SPATA3: variants seen among roughly 807,000 people sequenced by gnomAD.
SPATA3 encodes the protein spermatogenesis associated 3, also known as spermatogenesis-associated protein 3.
A neutral mutation model predicts 5.7 loss-of-function variants in SPATA3; 6 were observed. The ratio of observed to expected loss-of-function variants is 1.06; its 90% CI spans 0.58 to 2.09. The LOEUF (loss-of-function observed/expected upper bound fraction) is 2.09, where lower values mean the gene tolerates loss of function less well. Among genes scored for constraint, SPATA3 ranks in the 30% most tolerant of loss-of-function variants. The pLI is 0.00. For synonymous variants in SPATA3, 44 were observed against 48.4 expected (o/e 0.91, Z 0.37); for missense variants, 155 against 130.4 (o/e 1.19, Z -0.92).
downstream of SPATA3, among the ~76,000 whole-genome samples, chr2:231,010,821 G>A (rs1471119577): frequency 2.6e-5 from 4 of 151,418 alleles, no homozygotes; most frequent in East Asian, 5.8e-4. Context: ...TAATCCCAGC[G>A]TTTTGGGAGG....
At chr2:231,014,161 G>A (rs1017941058) in exon 6 of SPATA3, 14 of 152,232 alleles carry the variant, frequency 9.2e-5, no homozygotes, top group South Asian at 4.1e-4. Flanking sequence ...AAAACGTCCT[G>A]ATATTTAAAG....
intron 1 of SPATA3, among the ~76,000 whole-genome samples, chr2:230,997,714 A>G (rs1307186605): frequency 1.3e-5 from 2 of 152,220 alleles, no homozygotes; most frequent in Non-Finnish European, 2.9e-5. Flanking sequence ...TCTTCTTGGG[A>G]GCCAAACAGT....
At chr2:231,009,219 G>A (rs914732400), downstream of SPATA3, among the ~76,000 whole-genome samples, 4 of 152,172 alleles carry the variant, frequency 2.6e-5, no homozygotes, top group Admixed American at 2.6e-4. Flanking sequence ...CCCTCCAGTT[G>A]GCTGTGGGTC....
At chr2:231,007,214 T>C (rs970873616), downstream of SPATA3, 1 of 152,112 alleles carries the variant, frequency 6.6e-6, no homozygotes, top group Non-Finnish European at 1.5e-5. Context: ...TCCTTGTTTT[T>C]CTTACAGATC....
At chr2:231,013,638 G>A (rs955010652) in intron 5 of SPATA3, among the ~76,000 whole-genome samples, 4 of 152,104 alleles carry the variant, frequency 2.6e-5, no homozygotes, top group Non-Finnish European at 4.4e-5. Context: ...TTACGGGCAT[G>A]TGCCACCATG....
chr2:231,005,475 TCACCACCACCAC>T (rs1229154307), downstream of SPATA3, among the ~76,000 whole-genome samples: 1 of 15,668 alleles, frequency 6.4e-5, no homozygotes, highest in African/African-American at 2.5e-4. Context: ...ACCACCATCA[TCACCACCACCAC>T]CATCACCACC....
Position 231,018,770 on chromosome 2 carries a change from C to T in SPATA3, c.*566-950C>T, listed in dbSNP as rs551694669. Among the ~76,000 whole-genome samples the T allele has an allele frequency of 2.0e-5, 3 of 152,004 alleles. No individual in the cohort carries two copies. In the South Asian group the frequency reaches 6.2e-4, roughly 32 times the overall value. ...GCATAATCTCAGCTCACTGCAACCT[C>T]CACTTCCCAGGTTCAAGCATTCTCC... On this transcript the variant is annotated intron_variant, in intron 6 of 8. Coordinates refer to the SPATA3 transcript ENST00000452881.
chr2:231,002,806 C>A, downstream of SPATA3: 2 of 1,433,902 alleles, frequency 1.4e-6, no homozygotes, highest in Non-Finnish European at 1.9e-6. Context: ...GTGAACAAGC[C>A]CCTAGGCCCA....
downstream of SPATA3, among the ~76,000 whole-genome samples, chr2:231,008,969 G>A (rs946283118): frequency 3.2e-4 from 48 of 152,062 alleles, no homozygotes; most frequent in Admixed American, 3.0e-3. Context: ...CACAGCAAAC[G>A]GCATCACAGC....
chr2:231,005,142 CCACCAT>C (rs1254871706), downstream of SPATA3, among the ~76,000 whole-genome samples: 225 of 33,928 alleles, frequency 6.6e-3, no homozygotes, highest in African/African-American at 0.017. Flanking sequence ...ATCACCACCA[CCACCAT>C]CACCATCACC....
chr2:231,011,725 G>C (rs545833900), downstream of SPATA3, among the ~76,000 whole-genome samples: 5 of 152,264 alleles, frequency 3.3e-5, no homozygotes, highest in South Asian at 4.2e-4. Context: ...AGACTCAGGG[G>C]ACACCTGCCA....
chr2:231,003,363 C>A (rs1692425612), downstream of SPATA3, among the ~76,000 whole-genome samples: 1 of 152,198 alleles, frequency 6.6e-6, no homozygotes, highest in Non-Finnish European at 1.5e-5. Context: ...ATGGCTCATG[C>A]AGCCATCTTC....
rs553187691 is a variant in SPATA3 at position 230,997,435 on chromosome 2, T to C, written c.791-2931T>C. Among the ~76,000 whole-genome samples, 16 of 152,298 alleles carry C rather than the reference T, an allele frequency of 1.1e-4. No individual in the cohort carries two copies. The South Asian group carries it at 3.3e-3, about 32-fold the overall frequency. On this transcript the variant is annotated intron_variant, in intron 1 of 2. Coordinates refer to ENST00000645363, the Ensembl canonical transcript of SPATA3. The stretch of plus-strand genomic sequence containing the variant: ...CTCAGATATGTCTTTATCAGCAGTG[T>C]GAAAACAGACAAATACAGGCCCATG...
downstream of SPATA3, among the ~76,000 whole-genome samples, chr2:231,011,122 T>G (rs1559200526): frequency 6.8e-6 from 1 of 148,056 alleles, no homozygotes; most frequent in Admixed American, 6.8e-5. Context: ...ATCAATTGGT[T>G]ATTATGTTAT....
chr2:231,016,921 T>C (rs980227556), intron 6 of SPATA3, among the ~76,000 whole-genome samples: 1 of 152,206 alleles, frequency 6.6e-6, no homozygotes, highest in African/African-American at 2.4e-5. Flanking sequence ...CATCACTCAG[T>C]TAAAATGTAC....
intron 6 of SPATA3, among the ~76,000 whole-genome samples, chr2:231,019,108 A>T (rs112483840): frequency 8.9e-5 from 13 of 146,264 alleles, no homozygotes; most frequent in South Asian, 2.2e-4. Flanking sequence ...CTGCGACTAC[A>T]GGCGCCCGCC....
At chr2:230,996,467 C>T in intron 1 of SPATA3, 1 of 1,552,344 alleles carries the variant, frequency 6.4e-7, no homozygotes, top group Non-Finnish European at 8.7e-7. Flanking sequence ...CCGAAATCCG[C>T]CGCTCCTCTT....
At chr2:230,997,629 G>A (rs964377667) in intron 1 of SPATA3, among the ~76,000 whole-genome samples, 4 of 152,130 alleles carry the variant, frequency 2.6e-5, no homozygotes, top group East Asian at 1.9e-4. Context: ...GAAAGCCTTC[G>A]GCTCAACATA....
At chr2:230,997,022 T>C (rs1692149741) in intron 1 of SPATA3, among the ~76,000 whole-genome samples, 1 of 152,154 alleles carries the variant, frequency 6.6e-6, no homozygotes, top group Non-Finnish European at 1.5e-5. Flanking sequence ...TGTATGACAG[T>C]CAATTGAAGG....
Sources: allele counts gnomAD v4.1 joint callset (sites outside exome capture counted in the v4.1 genomes callset), GRCh38; gene constraint gnomAD v4.1.1; transcripts MANE v1.5; gene names NCBI Gene and HGNC (gene_info 2026-07-23, HGNC 2026-07-21).